The following PRIM2 variants were observed in gnomAD, a reference collection of about 807,000 sequenced individuals.
The protein encoded by PRIM2 is DNA primase large subunit.
In PRIM2, 39 loss-of-function variants were observed where a neutral mutation model predicts 67.3. The ratio of observed to expected loss-of-function variants is 0.58; its 90% CI spans 0.45 to 0.76. The LOEUF is 0.76. PRIM2 is among the 30% of genes least tolerant of loss of function. The pLI is 0.00. For synonymous variants in PRIM2, 143 were observed against 198.7 expected (o/e 0.72, Z 2.36); for missense variants, 398 against 598.7 (o/e 0.66, Z 3.50).
chr6:57,463,477 G>A (rs1485398983), intron 7 of PRIM2, among the ~76,000 whole-genome samples: 3 of 152,164 alleles, frequency 2.0e-5, no homozygotes, highest in Non-Finnish European at 2.9e-5. Context: ...GGGTGACAGA[G>A]CGAGCCCCTA....
At chr6:57,294,652 ATATT>A in the PRIM2 span, among the ~76,000 whole-genome samples, 3 of 151,468 alleles carry the variant, frequency 2.0e-5, no homozygotes, top group Non-Finnish European at 2.9e-5. Flanking sequence ...ATGTGTATGT[ATATT>A]TATTTAAGCA....
At chr6:57,356,885 G>A (rs1769045687) in intron 5 of PRIM2, among the ~76,000 whole-genome samples, 1 of 148,692 alleles carries the variant, frequency 6.7e-6, no homozygotes, top group South Asian at 2.1e-4. Context: ...CAGTTTCATT[G>A]TCATTATTCT....
At chr6:57,292,398 TATC>T in the PRIM2 span, among the ~76,000 whole-genome samples, 2 of 152,100 alleles carry the variant, frequency 1.3e-5, no homozygotes, top group East Asian at 1.9e-4. Context: ...GAAGAATCAA[TATC>T]ATGAAAATGG....
chr6:57,408,634 G>C lies in PRIM2; in HGVS notation c.693+26466G>C, dbSNP rs562357670. Among the ~76,000 whole-genome samples the C allele has an allele frequency of 3.9e-5, 6 of 152,038 alleles. No individual in the cohort carries two copies. The South Asian group carries it at 1.2e-3, about 31-fold the overall frequency. ...ATAATTTTGTTTGTTTTAGAATTCC[G>C]TGTAAATTGAATCATACACTATGTA... On this transcript the variant is annotated intron_variant, in intron 7 of 13. Transcript: ENST00000615550.
chr6:57,514,859 C>G (rs1373988158), intron 8 of PRIM2, among the ~76,000 whole-genome samples: 1 of 151,996 alleles, frequency 6.6e-6, no homozygotes, highest in Non-Finnish European at 1.5e-5. Context: ...AACAGTACCC[C>G]CCTCCCCACC....
At chr6:57,258,402 G>C in the PRIM2 span, among the ~76,000 whole-genome samples, 1 of 152,060 alleles carries the variant, frequency 6.6e-6, no homozygotes, top group Non-Finnish European at 1.5e-5. Context: ...AAAAGGCATA[G>C]TGTCTCTTTA....
chr6:57,259,516 T>G, the PRIM2 span, among the ~76,000 whole-genome samples: 2 of 152,202 alleles, frequency 1.3e-5, no homozygotes, highest in Admixed American at 1.3e-4. Flanking sequence ...ACCTCATTTT[T>G]TTTTAAGAGA....
intron 11 of PRIM2, among the ~76,000 whole-genome samples, chr6:57,605,678 A>C (rs1250950661): frequency 3.9e-5 from 6 of 152,088 alleles, no homozygotes; most frequent in Non-Finnish European, 5.9e-5. Flanking sequence ...AATATCTAAA[A>C]TTTTCTAGAT....
chr6:57,308,514 C>T, the PRIM2 span, among the ~76,000 whole-genome samples: 142 of 152,256 alleles, frequency 9.3e-4, no homozygotes, highest in African/African-American at 2.9e-3. Flanking sequence ...TTGATGTCTA[C>T]GCTCAAAACT....
At chr6:57,392,344 T>C (rs1770379488) in intron 7 of PRIM2, among the ~76,000 whole-genome samples, 1 of 152,200 alleles carries the variant, frequency 6.6e-6, no homozygotes, top group Admixed American at 6.5e-5. Flanking sequence ...CCTGTCTTCC[T>C]ATTTGGATGC....
In PRIM2 at chr6:57,318,495, A is replaced by G. The variant is rs1234816776; in HGVS notation, c.50A>G (p.Gln17Arg). ...KWRKLRLAGDQRNASYPHCLQ... is the reference protein window; with the variant it reads ...KWRKLRLAGDRRNASYPHCLQ... ...AGGAAGCTGAGGTTGGCAGGTGACC[A>G]GAGGAATGCTTCCTACCCTCATTGC... The change falls in exon 2 of 14, where the codon CAG becomes CGG. Residue 17 changes from glutamine to arginine, a missense_variant. Coordinates refer to ENST00000615550, the MANE Select transcript of PRIM2 (RefSeq NM_000947.5). 2 of 1,610,018 alleles carry G rather than the reference A, an allele frequency of 1.2e-6. No individual in the cohort carries two copies. Among genetic ancestry groups the G allele is most frequent in the Non-Finnish European group, 1.7e-6 (2 of 1,178,072 alleles).
chr6:57,508,868 T>C (rs1468675720), intron 8 of PRIM2, among the ~76,000 whole-genome samples: 1 of 152,242 alleles, frequency 6.6e-6, no homozygotes, highest in Non-Finnish European at 1.5e-5. Context: ...AGTGACTCTT[T>C]GTTGTATTTG....
chr6:57,378,375 T>A lies in PRIM2; in HGVS notation c.460-1526T>A, dbSNP rs866443741. Among the ~76,000 whole-genome samples, 97 of 150,354 alleles carry A rather than the reference T, an allele frequency of 6.5e-4. 1 individual carries two copies. Among genetic ancestry groups the A allele is most frequent in the Middle Eastern group, 6.8e-3 (2 of 292 alleles). On this transcript the variant is annotated intron_variant, in intron 5 of 13. Coordinates refer to ENST00000615550, the MANE Select transcript of PRIM2 (RefSeq NM_000947.5). ...GCCACCGTGCCCAGCCTTTTGCTTTTAAAAAAAAAATCACTTTTTATAGTT... is the reference window on the plus strand; with the variant it reads ...GCCACCGTGCCCAGCCTTTTGCTTTAAAAAAAAAAATCACTTTTTATAGTT...
At chr6:57,221,842 T>C in the PRIM2 span, 2 of 152,408 alleles carry the variant, frequency 1.3e-5, no homozygotes, top group East Asian at 3.9e-4. Flanking sequence ...AACCGGGGGA[T>C]GGGGGAGCCG....
At chr6:57,292,789 T>C in the PRIM2 span, among the ~76,000 whole-genome samples, 8 of 152,310 alleles carry the variant, frequency 5.3e-5, no homozygotes, top group Non-Finnish European at 8.8e-5. Flanking sequence ...TAGTTATATG[T>C]AGAAAGCTGA....
chr6:57,525,177 A>C (rs2127465664), intron 8 of PRIM2, among the ~76,000 whole-genome samples: 1 of 151,598 alleles, frequency 6.6e-6, no homozygotes, highest in South Asian at 2.1e-4. Flanking sequence ...TCCGTCTGTT[A>C]TGTGATAACC....
intron 5 of PRIM2, among the ~76,000 whole-genome samples, chr6:57,340,129 A>G (rs1384214354): frequency 6.6e-6 from 1 of 152,236 alleles, no homozygotes; most frequent in African/African-American, 2.4e-5. Flanking sequence ...TGGCCATCAG[A>G]GAAATGCAAA....
chr6:57,509,685 C>T (rs1774320939), intron 8 of PRIM2, among the ~76,000 whole-genome samples: 1 of 152,012 alleles, frequency 6.6e-6, no homozygotes, highest in Non-Finnish European at 1.5e-5. Flanking sequence ...GTTCCTTCAA[C>T]ACAACATGCT....
At chr6:57,416,738 C>A (rs1156767666) in intron 7 of PRIM2, among the ~76,000 whole-genome samples, 15 of 152,258 alleles carry the variant, frequency 9.9e-5, no homozygotes, top group Non-Finnish European at 1.8e-4. Context: ...TCACCTTGTA[C>A]TTTTATGTTA....
Sources: allele counts gnomAD v4.1 joint callset (sites outside exome capture counted in the v4.1 genomes callset), GRCh38; gene constraint gnomAD v4.1.1; transcripts MANE v1.5; gene names NCBI Gene and HGNC (gene_info 2026-07-23, HGNC 2026-07-21).